TNR: variants seen among roughly 807,000 people sequenced by gnomAD.
TNR encodes the protein tenascin-R.
TNR carries 45 observed loss-of-function variants against 150.4 expected under a neutral mutation model. The observed-to-expected ratio is 0.30, with a 90% CI of 0.24 to 0.38. The LOEUF (loss-of-function observed/expected upper bound fraction) is 0.38. Among genes scored for constraint, TNR ranks in the 10% least tolerant of loss-of-function variants. TNR has a pLI of 1.00. For missense variants in TNR, 1,544 were observed against 1,759.1 expected (o/e 0.88, Z 2.19); for synonymous variants, 687 against 678.4 (o/e 1.01, Z -0.20).
At chr1:175,596,527 A>G (rs1663014272) in intron 1 of TNR, among the ~76,000 whole-genome samples, 1 of 152,262 alleles carries the variant, frequency 6.6e-6, no homozygotes, top group South Asian at 2.1e-4. Context: ...AGTTCTTCTG[A>G]AAATCAATGA....
chr1:175,353,493 C>T (rs1433437610), intron 18 of TNR, among the ~76,000 whole-genome samples: 1 of 152,118 alleles, frequency 6.6e-6, no homozygotes, highest in Admixed American at 6.6e-5. Context: ...GGAAGGCAGC[C>T]GGAACAGCTG....
At chr1:175,456,311 C>T (rs1656571166) in intron 2 of TNR, among the ~76,000 whole-genome samples, 1 of 152,222 alleles carries the variant, frequency 6.6e-6, no homozygotes, top group South Asian at 2.1e-4. Flanking sequence ...GCGGACTCTT[C>T]CCATAGTCTT....
intron 1 of TNR, among the ~76,000 whole-genome samples, chr1:175,589,735 A>G (rs1662720279): frequency 6.6e-6 from 1 of 152,194 alleles, no homozygotes; most frequent in African/African-American, 2.4e-5. Flanking sequence ...TTCTCAGCAA[A>G]CTAACACCAG....
intron 9 of TNR, among the ~76,000 whole-genome samples, chr1:175,375,378 G>C (rs903328849): frequency 9.2e-5 from 14 of 152,108 alleles, no homozygotes; most frequent in African/African-American, 2.9e-4. Flanking sequence ...GAAGCCACTA[G>C]AGCAGAGAGA....
At chr1:175,331,206 CTT>C (rs1649901734) in intron 20 of TNR, among the ~76,000 whole-genome samples, 1 of 127,830 alleles carries the variant, frequency 7.8e-6, no homozygotes, top group Non-Finnish European at 1.6e-5. Context: ...TCCTTCCTTC[CTT>C]CCTTCCTTCC....
At chr1:175,371,111 C>T (rs1463507691) in intron 9 of TNR, among the ~76,000 whole-genome samples, 1 of 151,744 alleles carries the variant, frequency 6.6e-6, no homozygotes, top group African/African-American at 2.4e-5. Context: ...AGCCAGTGCA[C>T]TTAGATATCA....
At chr1:175,442,726 C>A (rs1024678003) in intron 2 of TNR, among the ~76,000 whole-genome samples, 1 of 151,762 alleles carries the variant, frequency 6.6e-6, no homozygotes, top group African/African-American at 2.4e-5. Flanking sequence ...TTGTCAACTG[C>A]CCGAGACCAT....
chr1:175,646,475 G>A (rs1238612789), intron 1 of TNR, among the ~76,000 whole-genome samples: 1 of 152,212 alleles, frequency 6.6e-6, no homozygotes, highest in Non-Finnish European at 1.5e-5. Context: ...TTTACCATTA[G>A]AGACTCCCTC....
At chr1:175,709,534 A>C (rs1571776150) in intron 1 of TNR, among the ~76,000 whole-genome samples, 1 of 152,200 alleles carries the variant, frequency 6.6e-6, no homozygotes, top group East Asian at 1.9e-4. Flanking sequence ...GTGTTGTAAA[A>C]AGAAATCATT....
At chr1:175,641,630 G>C (rs1172759896) in intron 1 of TNR, among the ~76,000 whole-genome samples, 1 of 152,070 alleles carries the variant, frequency 6.6e-6, no homozygotes, top group Non-Finnish European at 1.5e-5. Context: ...TCTTTAGCTA[G>C]GATAAAACAA....
intron 2 of TNR, among the ~76,000 whole-genome samples, chr1:175,497,234 C>T (rs1658526907): frequency 6.6e-6 from 1 of 152,202 alleles, no homozygotes; most frequent in African/African-American, 2.4e-5. Flanking sequence ...CTTCACTTCT[C>T]CTCGGTTTTG....
rs533857684 is a variant in TNR at position 175,470,904 on chromosome 1, GATGACCACTGGCCA to G, written c.-64+57351_-64+57364del. On this transcript the variant is annotated intron_variant, in intron 2 of 22. Coordinates refer to ENST00000367674, the MANE Select transcript of TNR (RefSeq NM_003285.3). ...AGGGTTGGGCATGAGGTGGGAACTCGATGACCACTGGCCAATGAAGAGGTTAATGCCACCAAATG... is the reference window on the plus strand; with the variant it reads ...AGGGTTGGGCATGAGGTGGGAACTCGATGAAGAGGTTAATGCCACCAAATG... 4.5e-4 allele frequency among the ~76,000 whole-genome samples: 68 copies of G among 152,288 alleles called. No homozygotes were observed. In the East Asian group the frequency reaches 0.012, roughly 27 times the overall value.
intron 1 of TNR, among the ~76,000 whole-genome samples, chr1:175,597,227 GCA>G (rs1305988653): frequency 1.3e-5 from 2 of 152,208 alleles, no homozygotes; most frequent in Non-Finnish European, 2.9e-5. Flanking sequence ...TCAGGGGCCA[GCA>G]CAGTGGTGAG....
intron 1 of TNR, among the ~76,000 whole-genome samples, chr1:175,645,928 C>T (rs1664798296): frequency 1.3e-5 from 2 of 150,594 alleles, no homozygotes; most frequent in African/African-American, 2.5e-5. Context: ...TAAGACAAAG[C>T]CGGTATTTTT....
intron 2 of TNR, among the ~76,000 whole-genome samples, chr1:175,508,408 T>G (rs560587867): frequency 2.0e-4 from 31 of 152,364 alleles, no homozygotes; most frequent in African/African-American, 7.5e-4. Context: ...CACACCCTTG[T>G]CTAATTCCCT....
chr1:175,657,123 C>A (rs572106197), intron 1 of TNR, among the ~76,000 whole-genome samples: 2 of 152,212 alleles, frequency 1.3e-5, no homozygotes, highest in South Asian at 2.1e-4. Context: ...TTCTCAGAAG[C>A]AGAGGACTGG....
At chr1:175,584,486 G>T (rs1256268195) in intron 1 of TNR, among the ~76,000 whole-genome samples, 1 of 152,172 alleles carries the variant, frequency 6.6e-6, no homozygotes, top group African/African-American at 2.4e-5. Flanking sequence ...AATTACTGTT[G>T]TTTTTAGCCA....
At chr1:175,742,884 A>G (rs992874522) in intron 1 of TNR, among the ~76,000 whole-genome samples, 1 of 151,914 alleles carries the variant, frequency 6.6e-6, no homozygotes, top group African/African-American at 2.4e-5. Context: ...TTATCTACAG[A>G]CAAAAAGAAC....
chr1:175,423,810 T>C (rs1654856737), intron 2 of TNR, among the ~76,000 whole-genome samples: 1 of 152,116 alleles, frequency 6.6e-6, no homozygotes, highest in African/African-American at 2.4e-5. Flanking sequence ...TAGGGTCAAC[T>C]GAAACTCACA....
Sources: allele counts gnomAD v4.1 joint callset (sites outside exome capture counted in the v4.1 genomes callset), GRCh38; gene constraint gnomAD v4.1.1; transcripts MANE v1.5; gene names NCBI Gene and HGNC (gene_info 2026-07-23, HGNC 2026-07-21).